Variants in MINK1 observed in about 807,000 individuals in gnomAD.
MINK1 encodes misshapen-like kinase 1.
A neutral mutation model predicts 178.4 loss-of-function variants in MINK1; 46 were observed. The observed-to-expected ratio is 0.26, with a 90% CI of 0.20 to 0.33. The LOEUF (loss-of-function observed/expected upper bound fraction) is 0.33, where lower values mean the gene tolerates loss of function less well. MINK1 is among the 10% of genes least tolerant of loss of function. The pLI, the probability that MINK1 is intolerant of heterozygous loss-of-function variation, is 1.00. For synonymous variants in MINK1, 797 were observed against 709.7 expected (o/e 1.12, Z -1.96); for missense variants, 1,366 against 1,814.9 (o/e 0.75, Z 4.49).
chr17:4,849,816 G>A (rs1911649172), intron 1 of MINK1, among the ~76,000 whole-genome samples: 2 of 151,988 alleles, frequency 1.3e-5, no homozygotes, highest in South Asian at 4.1e-4. Context: ...CAGGTGGTCC[G>A]CCCGCCTCGG....
chr17:4,887,505 G>A lies in MINK1; in HGVS notation c.1020-75G>A, dbSNP rs1053142377. ...TTGATCCAGTTAAAGCACCCACTCA[G>A]GCGGGCCCACGGGGTTGAGAGTGGG... On this transcript the variant is annotated intron_variant, in intron 11 of 31. Coordinates refer to ENST00000355280, the MANE Select transcript of MINK1 (RefSeq NM_153827.5). The surrounding 1 kb of genome is among the most constrained non-coding windows in gnomAD (Gnocchi z 7.6). The A allele has an allele frequency of 7.4e-6, 10 of 1,349,186 alleles. No homozygotes were observed. In the African/African-American group the frequency reaches 8.9e-5, roughly 12 times the overall value. 83.6% of individuals were successfully genotyped at this position (1,349,186 alleles called of 1,614,324 possible).
chr17:4,885,087 A>G lies in MINK1; in HGVS notation c.508+85A>G. 2 of 1,272,390 alleles carry G rather than the reference A, an allele frequency of 1.6e-6. No individual in the cohort carries two copies. Among genetic ancestry groups the G allele is most frequent in the Non-Finnish European group, 2.2e-6 (2 of 890,522 alleles). 78.8% of individuals were successfully genotyped at this position (1,272,390 alleles called of 1,614,324 possible). On this transcript the variant is annotated intron_variant, in intron 6 of 31. Coordinates refer to ENST00000355280, the MANE Select transcript of MINK1 (RefSeq NM_153827.5). This position sits in a 1 kb window ranked among gnomAD's most constrained non-coding sequence, Gnocchi z 5.0. ...GGCCCCTTTTTCTCTCTGGTGGCTC[A>G]GGCCCAACTCCCTTCCTACTGGGGA...
At position 4,887,869 on chromosome 17, in the gene MINK1, A is replaced by G. The variant is rs1597543573; in HGVS notation, c.1230+79A>G. The stretch of plus-strand genomic sequence containing the variant: ...CGGGTCCATTAGGGCCTTGGAGAAC[A>G]GGTTTTAAAATGCCTTAAATGAATG... On this transcript the variant is annotated intron_variant, in intron 12 of 31. Transcript: ENST00000355280. The surrounding 1 kb of genome is among the most constrained non-coding windows in gnomAD (Gnocchi z 7.6). 3 of 1,184,654 alleles carry G rather than the reference A, an allele frequency of 2.5e-6. No individual in the cohort carries two copies. Among genetic ancestry groups the G allele is most frequent in the Non-Finnish European group, 3.4e-6 (3 of 887,426 alleles). 73.4% of individuals were successfully genotyped at this position (1,184,654 alleles called of 1,614,324 possible). A position where few individuals can be genotyped will look rare whatever the true frequency, so the allele number is the denominator to read the frequency against.
chr17:4,894,890 G>C lies in MINK1; in HGVS notation c.2918-185G>C, dbSNP rs183651007. On this transcript the variant is annotated intron_variant, in intron 24 of 31. Coordinates refer to ENST00000355280, the MANE Select transcript of MINK1 (RefSeq NM_153827.5). The surrounding 1 kb of genome is among the most constrained non-coding windows in gnomAD (Gnocchi z 4.1). Reference sequence around the variant, plus strand: ...CTAACAAGTGACAGAAATGGGACTTGAGCCAGACCTTTTGACTCCAAGTCC... The same window carrying C: ...CTAACAAGTGACAGAAATGGGACTTCAGCCAGACCTTTTGACTCCAAGTCC... The C allele has an allele frequency of 5.2e-5, 37 of 709,038 alleles. No homozygotes were observed. The highest frequency in any genetic ancestry group is 6.5e-5 in the Non-Finnish European group (28 of 433,102). The allele number at this position is 709,038 out of a possible 1,614,324, so 43.9% of individuals were successfully genotyped here.
intron 14 of MINK1, 60 bp downstream of exon 14, chr17:4,890,795 CCACAA>C (rs1968710620): frequency 6.6e-7 from 1 of 1,524,362 alleles, no homozygotes; most frequent in African/African-American, 1.4e-5. Flanking sequence ...GCCTGGAGAG[CCACAA>C]GAAGTAGTAG....
intron 1 of MINK1, among the ~76,000 whole-genome samples, chr17:4,840,536 T>C (rs2150743788): frequency 6.6e-6 from 1 of 152,186 alleles, no homozygotes; most frequent in African/African-American, 2.4e-5. Context: ...GAATGGGGTA[T>C]ATGAGAGAGG....
intron 1 of MINK1, among the ~76,000 whole-genome samples, chr17:4,843,375 G>A (rs1382584584): frequency 6.6e-6 from 1 of 152,090 alleles, no homozygotes; most frequent in Middle Eastern, 3.2e-3. Flanking sequence ...CTACTGGGGA[G>A]GGTGAGGCAG....
chr17:4,877,037 G>T (rs1967241579), intron 1 of MINK1, among the ~76,000 whole-genome samples: 1 of 151,648 alleles, frequency 6.6e-6, no homozygotes, highest in Admixed American at 6.6e-5. Flanking sequence ...GCAGTGAGCT[G>T]TGATTGTACC....
chr17:4,867,407 T>TG (rs1361401779), intron 1 of MINK1, among the ~76,000 whole-genome samples: 1 of 151,802 alleles, frequency 6.6e-6, no homozygotes, highest in Non-Finnish European at 1.5e-5. Flanking sequence ...CCTAACACTT[T>TG]GAAAGGCTGA....
In MINK1 at chr17:4,891,025, T is replaced by C. The variant is rs1288364243; in HGVS notation, c.1641T>C (p.Pro547=). The change falls in exon 15 of 32, where the codon CCT becomes CCC. Residue 547 remains proline, a synonymous_variant. Coordinates refer to ENST00000355280, the MANE Select transcript of MINK1 (RefSeq NM_153827.5). ...AGAGCAAGCCAGGCAGCACGGGGCC[T>C]GAGCCCCCCATCCCCCAGGCCTCCC... ...LAKSKPGSTG[P]EPPIPQASPG... is the part of the protein sequence containing the mutation. The C allele has an allele frequency of 6.4e-7, 1 of 1,558,802 alleles. No homozygotes were observed. Among genetic ancestry groups the C allele is most frequent in the Admixed American group, 1.9e-5 (1 of 51,894 alleles).
chr17:4,847,997 C>T (rs1441859291), intron 1 of MINK1, among the ~76,000 whole-genome samples: 1 of 151,928 alleles, frequency 6.6e-6, no homozygotes, highest in African/African-American at 2.4e-5. Flanking sequence ...GCCTGGGCAA[C>T]ATAGAGACCT....
intron 1 of MINK1, among the ~76,000 whole-genome samples, chr17:4,854,193 G>A (rs976628595): frequency 9.9e-5 from 15 of 152,132 alleles, no homozygotes; most frequent in Admixed American, 5.9e-4. Flanking sequence ...GCGCAAGGCT[G>A]CTTGAATCTG....
At chr17:4,867,262 C>G (rs1055305852) in intron 1 of MINK1, among the ~76,000 whole-genome samples, 3 of 145,270 alleles carry the variant, frequency 2.1e-5, no homozygotes, top group Non-Finnish European at 4.5e-5. Context: ...ATCCTCCTAT[C>G]TCAGTCTCCT....
In MINK1 at chr17:4,896,245, A is replaced by C. The variant is rs369976237; in HGVS notation, c.3518A>C (p.Glu1173Ala). 41 of 1,606,324 alleles carry C rather than the reference A, an allele frequency of 2.6e-5. No homozygotes were observed. The highest frequency in any genetic ancestry group is 3.5e-5 in the Non-Finnish European group (41 of 1,176,086). ...RPLLVDLTVEEGQRLKVIYGS... is the reference protein window; with the variant it reads ...RPLLVDLTVEAGQRLKVIYGS... ...CTGCTGGTCGACCTGACAGTAGAGG[A>C]GGGGCAGCGGCTCAAGGTCATCTAT... The change falls in exon 29 of 32, where the codon GAG (glutamate) becomes GCG (alanine). Residue 1173 changes from glutamate (E) to alanine (A), a missense_variant. Glu to Ala is a moderately radical substitution (Grantham distance 107). This residue lies in a region of MINK1 where 201 missense variants were observed against 240.7 expected (regional missense o/e 0.84). Coordinates refer to ENST00000355280, the MANE Select transcript of MINK1 (RefSeq NM_153827.5). The surrounding 1 kb of genome is among the most constrained non-coding windows in gnomAD (Gnocchi z 4.6).
In MINK1 at chr17:4,896,146, G is replaced by A. The variant is rs751998542; in HGVS notation, c.3465+43G>A. The A allele has an allele frequency of 6.9e-6, 11 of 1,605,152 alleles. No homozygotes were observed. Among genetic ancestry groups the A allele is most frequent in the African/African-American group, 1.3e-5 (1 of 74,654 alleles). On this transcript the variant is annotated intron_variant, in intron 28 of 31. Coordinates refer to ENST00000355280, the MANE Select transcript of MINK1 (RefSeq NM_153827.5). This position sits in a 1 kb window ranked among gnomAD's most constrained non-coding sequence, Gnocchi z 4.6. ...CCCTAACACCATCTGGAGTCCCAGC[G>A]CCTCTCCCCGTGCCCCTGAGCCCTC...
At chr17:4,854,847 A>G (rs1912768803) in intron 1 of MINK1, 1 of 463,050 alleles carries the variant, frequency 2.2e-6, no homozygotes, top group Non-Finnish European at 4.3e-6. Context: ...CAGGGTTAGC[A>G]GAGTGGAGAG....
At chr17:4,891,188 A>ACACGCACG in intron 15 of MINK1, 64 bp downstream of exon 15, 5 of 1,191,202 alleles carry the variant, frequency 4.2e-6, no homozygotes, top group African/African-American at 1.8e-5. Flanking sequence ...GCACAGGTAC[A>ACACGCACG]CACACACGCG....
Position 4,896,034 on chromosome 17 carries a change from C to T in MINK1, c.3396C>T (p.Ile1132=), listed in dbSNP as rs753367909. The part of the protein sequence containing the change: ...VKYERIKFLV[I]ALKSSVEVYA... ...ACGAGCGGATTAAGTTCCTGGTCAT[C>T]GCCCTCAAGAGCTCCGTGGAGGTGT... Residue 1132 remains isoleucine, a synonymous_variant, in exon 28 of 32, where the codon ATC becomes ATT. Coordinates refer to ENST00000355280, the MANE Select transcript of MINK1 (RefSeq NM_153827.5). The surrounding 1 kb of genome is among the most constrained non-coding windows in gnomAD (Gnocchi z 4.6). 1.2e-5 allele frequency: 20 copies of T among 1,604,218 alleles called. No homozygotes were observed. The highest frequency in any genetic ancestry group is 1.6e-4 in the Middle Eastern group (1 of 6,078).
rs936569907 is a variant in MINK1 at position 4,893,720 on chromosome 17, G to A, written c.2564+123G>A. On this transcript the variant is annotated intron_variant, in intron 21 of 31. Coordinates refer to ENST00000355280, the MANE Select transcript of MINK1 (RefSeq NM_153827.5). ...AGAGCGGCTCCCTTCTCTAGAGAGT[G>A]GGGTGAGGGTGCAGGTTCCTGTCTC... 3.7e-6 allele frequency: 5 copies of A among 1,343,614 alleles called. No homozygotes were observed. The African/African-American group carries it at 5.9e-5, about 16-fold the overall frequency. The allele number at this position is 1,343,614 out of a possible 1,614,324, so 83.2% of individuals were successfully genotyped here. A position where few individuals can be genotyped will look rare whatever the true frequency, so the allele number is the denominator to read the frequency against.
Sources: allele counts gnomAD v4.1 joint callset (sites outside exome capture counted in the v4.1 genomes callset), GRCh38; gene constraint gnomAD v4.1.1; regional missense constraint gnomAD v4.1.1; non-coding constraint Gnocchi (gnomAD v3.1); transcripts MANE v1.5; gene names NCBI Gene and HGNC (gene_info 2026-07-23, HGNC 2026-07-21).